Variants in LRP1B observed in about 807,000 individuals in gnomAD.
LRP1B encodes the protein low-density lipoprotein receptor-related protein 1B.
LRP1B carries 217 observed loss-of-function variants against 556.6 expected under a neutral mutation model. That is an observed-to-expected ratio of 0.39 (90% confidence interval 0.35 to 0.44). The LOEUF is 0.44. Among genes scored for constraint, LRP1B ranks in the 20% least tolerant of loss-of-function variants. LRP1B has a pLI of 1.00. For synonymous variants in LRP1B, 2,047 were observed against 1,865.8 expected (o/e 1.10, Z -2.50); for missense variants, 5,053 against 5,620.8 (o/e 0.90, Z 3.23).
chr2:140,981,265 T>C (rs940826038), intron 18 of LRP1B, among the ~76,000 whole-genome samples: 8 of 151,966 alleles, frequency 5.3e-5, no homozygotes, highest in Non-Finnish European at 1.2e-4. Context: ...AAGAAAAATA[T>C]AATAAACAGA....
At chr2:142,005,855 G>T (rs1702784482) in intron 1 of LRP1B, among the ~76,000 whole-genome samples, 1 of 149,510 alleles carries the variant, frequency 6.7e-6, no homozygotes, top group Non-Finnish European at 1.5e-5. Context: ...GGGGAGAAAT[G>T]GTCTCCTCCT....
At chr2:140,508,884 G>A (rs138733655) in intron 52 of LRP1B, among the ~76,000 whole-genome samples, 2 of 152,034 alleles carry the variant, frequency 1.3e-5, no homozygotes, top group African/African-American at 4.8e-5. Context: ...CTGAATTGAT[G>A]CATAATCCTT....
At position 140,409,596 on chromosome 2, in the gene LRP1B, C is replaced by T. The variant is rs538622127; in HGVS notation, c.10415-23587G>A. The stretch of plus-strand genomic sequence containing the variant: ...GAATTGGTATTAATATTTTCAGATC[C>T]TAGCTAATTTTTTTTAGTTTAAATA... On this transcript the variant is annotated intron_variant, in intron 66 of 90. Coordinates refer to ENST00000389484, the MANE Select transcript of LRP1B (RefSeq NM_018557.3). Among the ~76,000 whole-genome samples the T allele has an allele frequency of 1.1e-4, 17 of 151,944 alleles. No homozygotes were observed. In the East Asian group the frequency reaches 2.9e-3, roughly 26 times the overall value.
At chr2:142,107,344 G>A (rs1706780737) in intron 1 of LRP1B, among the ~76,000 whole-genome samples, 1 of 152,098 alleles carries the variant, frequency 6.6e-6, no homozygotes, top group Non-Finnish European at 1.5e-5. Context: ...TGGCTATTGT[G>A]AGAATGAGTT....
chr2:140,612,992 C>CTT (rs72285702), intron 41 of LRP1B, among the ~76,000 whole-genome samples: 4 of 150,030 alleles, frequency 2.7e-5, no homozygotes, highest in Admixed American at 2.0e-4. Flanking sequence ...CAAGTTATCT[C>CTT]TTTTTTTTTC....
chr2:141,301,736 T>C (rs1686403330), intron 3 of LRP1B, among the ~76,000 whole-genome samples: 1 of 152,162 alleles, frequency 6.6e-6, no homozygotes, highest in Admixed American at 6.5e-5. Context: ...ATACATACGT[T>C]GACATGGATG....
chr2:140,238,414 T>A, intron 88 of LRP1B, 118 bp from the exon 89 acceptor site: 1 of 562,506 alleles, frequency 1.8e-6, no homozygotes, highest in Non-Finnish European at 2.9e-6. Flanking sequence ...AAATGACATT[T>A]GTCAAGTAAC....
At chr2:140,936,645 A>T (rs1316005483) in intron 20 of LRP1B, among the ~76,000 whole-genome samples, 1 of 152,076 alleles carries the variant, frequency 6.6e-6, no homozygotes, top group Admixed American at 6.6e-5. Context: ...TACAAAGTCT[A>T]GTCTTATTTT....
chr2:140,508,885 C>T (rs923301365), intron 52 of LRP1B, among the ~76,000 whole-genome samples: 2 of 152,106 alleles, frequency 1.3e-5, no homozygotes, highest in African/African-American at 2.4e-5. Flanking sequence ...TGAATTGATG[C>T]ATAATCCTTT....
intron 1 of LRP1B, among the ~76,000 whole-genome samples, chr2:141,837,549 T>A (rs1362188796): frequency 1.3e-5 from 2 of 152,066 alleles, no homozygotes; most frequent in Non-Finnish European, 2.9e-5. Context: ...TAATTGATTA[T>A]CTTTACATTT....
At chr2:141,897,894 G>A (rs928597056) in intron 1 of LRP1B, among the ~76,000 whole-genome samples, 12 of 152,004 alleles carry the variant, frequency 7.9e-5, no homozygotes, top group African/African-American at 2.7e-4. Context: ...ACACACACAC[G>A]TGCACACACT....
At chr2:142,102,552 AT>A (rs1478925328) in intron 1 of LRP1B, among the ~76,000 whole-genome samples, 234 of 114,728 alleles carry the variant, frequency 2.0e-3, no homozygotes, top group African/African-American at 5.2e-3. Context: ...TTAAAATAAA[AT>A]AAAAAAATAA....
rs1558985669 is a variant in LRP1B at position 141,291,878 on chromosome 2, A to AAAAAC, written c.344-37238_344-37237insGTTTT. Among the ~76,000 whole-genome samples the AAAAAC allele has an allele frequency of 3.3e-4, 26 of 77,692 alleles. 1 individual carries two copies. Among genetic ancestry groups the AAAAAC allele is most frequent in the African/African-American group, 8.4e-4 (24 of 28,530 alleles). The allele number at this position is 77,692 out of a possible 152,430, so 51.0% of individuals were successfully genotyped here. A position where few individuals can be genotyped will look rare whatever the true frequency, so the allele number is the denominator to read the frequency against. ...CTCAAAAAAAAAAAAAAAAAAAAAA[A>AAAAAC]AAAAAAAAAAAACTTGTTTGGGGTT... On this transcript the variant is annotated intron_variant, in intron 3 of 90. Transcript: ENST00000389484.
In LRP1B at chr2:140,325,757, C is replaced by T; in HGVS notation, c.12340+5G>A. ...TAAAAATGAAGACAAAAGCACTTCA[C>T]AAACCTTGTTTGCTGCTGACAGAGA... On this transcript the variant is annotated splice_donor_5th_base_variant and intron_variant, in intron 80 of 90. Coordinates refer to ENST00000389484, the MANE Select transcript of LRP1B (RefSeq NM_018557.3). 6.3e-7 allele frequency: 1 copy of T among 1,594,532 alleles called. No individual in the cohort carries two copies. The highest frequency in any genetic ancestry group is 2.2e-5 in the East Asian group (1 of 44,574).
At chr2:140,502,865 T>C (rs1228195581) in intron 54 of LRP1B, 98 bp downstream of exon 54, 13 of 1,184,886 alleles carry the variant, frequency 1.1e-5, no homozygotes, top group Non-Finnish European at 1.4e-5. Context: ...CTTAATAATT[T>C]GCATTTTCTC....
chr2:141,119,673 C>T (rs1700996157), intron 7 of LRP1B, among the ~76,000 whole-genome samples: 1 of 151,534 alleles, frequency 6.6e-6, no homozygotes, highest in African/African-American at 2.4e-5. Context: ...GTCTTGATAA[C>T]ATTTTAAAGA....
chr2:141,703,623 C>G (rs138495061), intron 2 of LRP1B, among the ~76,000 whole-genome samples: 125 of 152,018 alleles, frequency 8.2e-4, no homozygotes, highest in Middle Eastern at 3.4e-3. Context: ...TCATTCAACT[C>G]CCACATACCA....
At chr2:141,752,165 A>G (rs776025352) in intron 2 of LRP1B, among the ~76,000 whole-genome samples, 6 of 152,170 alleles carry the variant, frequency 3.9e-5, no homozygotes, top group Non-Finnish European at 8.8e-5. Flanking sequence ...ACAAATCAAT[A>G]CTAATTTTAT....
At chr2:141,632,929 C>G (rs973969007) in intron 2 of LRP1B, among the ~76,000 whole-genome samples, 2 of 150,378 alleles carry the variant, frequency 1.3e-5, no homozygotes, top group Non-Finnish European at 3.0e-5. Flanking sequence ...TTATTTTTTC[C>G]ATGCCATAAT....
Sources: gnomAD v4.1 joint callset for allele counts (sites outside exome capture counted in the v4.1 genomes callset) on GRCh38, gnomAD v4.1.1 for gene constraint, MANE v1.5 for transcripts, NCBI Gene and HGNC (gene_info 2026-07-23, HGNC 2026-07-21) for gene names.